Variants in FYB1 observed in about 807,000 individuals in gnomAD.
The protein encoded by FYB1 is FYN binding protein 1.
In FYB1, 41 loss-of-function variants were observed where a neutral mutation model predicts 94.1. The ratio of observed to expected loss-of-function variants is 0.44; its 90% confidence interval spans 0.34 to 0.57. The LOEUF (loss-of-function observed/expected upper bound fraction) is 0.57, where lower values mean the gene tolerates loss of function less well. Among genes scored for constraint, FYB1 ranks in the 20% least tolerant of loss-of-function variants. The probability of loss-of-function intolerance (pLI) is 0.02; values close to 1 mark genes in which losing one functional copy is unlikely to be tolerated. For missense variants in FYB1, 1,050 were observed against 976.8 expected (o/e 1.07, Z -1.00); for synonymous variants, 367 against 353.2 (o/e 1.04, Z -0.44).
At chr5:39,208,374 T>C (rs946908892) in intron 1 of FYB1, among the ~76,000 whole-genome samples, 3 of 152,234 alleles carry the variant, frequency 2.0e-5, no homozygotes, top group African/African-American at 7.2e-5. Flanking sequence ...CTTCTAATCA[T>C]GGTGGAGGCA....
At chr5:39,249,171 G>A (rs1175553357) in intron 1 of FYB1, among the ~76,000 whole-genome samples, 1 of 138,044 alleles carries the variant, frequency 7.2e-6, no homozygotes, top group African/African-American at 3.4e-5. Flanking sequence ...AGGTTTAAGG[G>A]GGCTATAGCA....
At chr5:39,272,340 T>C (rs1034518338) in intron 1 of FYB1, among the ~76,000 whole-genome samples, 1 of 152,068 alleles carries the variant, frequency 6.6e-6, no homozygotes, top group African/African-American at 2.4e-5. Context: ...ACTAAGTTAA[T>C]CAACATGTTT....
chr5:39,227,226 T>C (rs1050428105), intron 1 of FYB1, among the ~76,000 whole-genome samples: 2 of 151,730 alleles, frequency 1.3e-5, no homozygotes, highest in Non-Finnish European at 2.9e-5. Context: ...AAAAATCAAG[T>C]GTAATACATA....
chr5:39,165,030 G>A (rs972014235), intron 2 of FYB1, among the ~76,000 whole-genome samples: 16 of 152,330 alleles, frequency 1.1e-4, no homozygotes, highest in Admixed American at 9.1e-4. Context: ...CCTGTAAGAA[G>A]CACAACTACA....
chr5:39,151,590 C>G (rs1743256336), intron 3 of FYB1, among the ~76,000 whole-genome samples: 1 of 152,170 alleles, frequency 6.6e-6, no homozygotes, highest in African/African-American at 2.4e-5. Flanking sequence ...ATGCCCAGCC[C>G]TGTTTATTAT....
chr5:39,216,405 A>G (rs1749873245), intron 1 of FYB1, among the ~76,000 whole-genome samples: 1 of 152,018 alleles, frequency 6.6e-6, no homozygotes, highest in Admixed American at 6.5e-5. Flanking sequence ...ATTTGTTTTT[A>G]AATTTTATTT....
intron 3 of FYB1, among the ~76,000 whole-genome samples, chr5:39,141,847 G>A (rs1005298692): frequency 1.3e-5 from 2 of 150,434 alleles, no homozygotes; most frequent in African/African-American, 4.9e-5. Context: ...ACTCCAGCCT[G>A]TGCAATAGAG....
chr5:39,139,018 A>C, intron 5 of FYB1: 1 of 574,952 alleles, frequency 1.7e-6, no homozygotes, highest in Non-Finnish European at 3.0e-6. Context: ...AGTCAGACTT[A>C]AGTTTGTTCA....
At chr5:39,160,083 T>A (rs573059570) in intron 2 of FYB1, among the ~76,000 whole-genome samples, 194 of 152,352 alleles carry the variant, frequency 1.3e-3, no homozygotes, top group Non-Finnish European at 2.2e-3. Context: ...AAGTAAAGAA[T>A]GAAAGGCTTA....
chr5:39,246,960 A>C lies in FYB1; in HGVS notation c.-28+27443T>G, dbSNP rs115948363. ...CAAGCAAGTTACTTCTTTGTGCCTC[A>C]ATTATGTCATCTGAAAATGGGAATA... On this transcript the variant is annotated intron_variant, in intron 1 of 1. Coordinates refer to the FYB1 transcript ENST00000510188. Among the ~76,000 whole-genome samples the C allele has an allele frequency of 7.2e-3, 1,098 of 151,578 alleles. 11 individuals carry two copies. Among genetic ancestry groups the C allele is most frequent in the African/African-American group, 0.024 (981 of 41,302 alleles).
chr5:39,205,953 A>G (rs1170017966), intron 1 of FYB1, among the ~76,000 whole-genome samples: 2 of 152,208 alleles, frequency 1.3e-5, no homozygotes, highest in African/African-American at 2.4e-5. Context: ...TGCACGTAAT[A>G]TATATGTAAT....
At chr5:39,175,923 T>C (rs1745679146) in intron 2 of FYB1, among the ~76,000 whole-genome samples, 1 of 152,082 alleles carries the variant, frequency 6.6e-6, no homozygotes, top group Non-Finnish European at 1.5e-5. Flanking sequence ...TAAGGAATAG[T>C]GTGTCCCAGA....
chr5:39,118,971 C>A lies in FYB1; in HGVS notation c.2304G>T (p.Trp768Cys). 1 of 1,564,632 alleles carries A rather than the reference C, an allele frequency of 6.4e-7. No individual in the cohort carries two copies. ...KVTTSITSKK[W>C]GTRDLQVKPG... is the part of the protein sequence containing the mutation. Reference sequence around the variant, plus strand: ...GTTTTACCTGTAGATCTCTGGTTCCCCACTTTTTAGAAGTTATGGAAGTTG... The same window carrying A: ...GTTTTACCTGTAGATCTCTGGTTCCACACTTTTTAGAAGTTATGGAAGTTG... The change falls in exon 16 of 19, where the codon TGG becomes TGT. Residue 768 changes from tryptophan to cysteine, a missense_variant. By Grantham distance (215) the Trp-to-Cys change is radical. Coordinates refer to ENST00000512982, the MANE Select transcript of FYB1 (RefSeq NM_001465.6).
At chr5:39,180,398 T>C (rs1286799616) in intron 2 of FYB1, among the ~76,000 whole-genome samples, 1 of 152,182 alleles carries the variant, frequency 6.6e-6, no homozygotes, top group Non-Finnish European at 1.5e-5. Flanking sequence ...TCCTATTCTT[T>C]TTCCATTCCT....
intron 3 of FYB1, among the ~76,000 whole-genome samples, chr5:39,148,526 A>G (rs1232732400): frequency 6.7e-6 from 1 of 149,880 alleles, no homozygotes; most frequent in African/African-American, 2.5e-5. Flanking sequence ...TCCTATATTT[A>G]ACCCACGAGG....
chr5:39,250,337 G>C (rs1678692568), intron 1 of FYB1, among the ~76,000 whole-genome samples: 1 of 152,170 alleles, frequency 6.6e-6, no homozygotes. Flanking sequence ...AAAGGATACT[G>C]AAAAGGACTT....
chr5:39,146,367 G>T (rs1742661233), intron 3 of FYB1, among the ~76,000 whole-genome samples: 1 of 152,214 alleles, frequency 6.6e-6, no homozygotes, highest in African/African-American at 2.4e-5. Context: ...TGGGGTAATT[G>T]CTTCAGGTTT....
At position 39,270,548 on chromosome 5, in the gene FYB1, G is replaced by A. The variant is rs1423485815; in HGVS notation, c.-28+3855C>T. The A allele has an allele frequency of 2.0e-6, 3 of 1,533,380 alleles. No individual in the cohort carries two copies. The South Asian group carries it at 3.6e-5, about 18-fold the overall frequency. 95.0% of individuals were successfully genotyped at this position (1,533,380 alleles called of 1,614,324 possible). On this transcript the variant is annotated intron_variant, in intron 1 of 1. Coordinates refer to the FYB1 transcript ENST00000510188. ...CACATTTGCCAGGAGACCAAGGAGA[G>A]TTATAAAATCTATTACTTACCATTT...
intron 1 of FYB1, among the ~76,000 whole-genome samples, chr5:39,210,046 A>C (rs1327651914): frequency 1.3e-5 from 2 of 152,332 alleles, no homozygotes; most frequent in Admixed American, 6.5e-5. Flanking sequence ...CCGCAAATTA[A>C]GTTCTTGGGG....
Sources: gnomAD v4.1 joint callset for allele counts (sites outside exome capture counted in the v4.1 genomes callset) on GRCh38, gnomAD v4.1.1 for gene constraint, MANE v1.5 for transcripts, NCBI Gene and HGNC (gene_info 2026-07-23, HGNC 2026-07-21) for gene names.